SMYD5: variants seen among roughly 807,000 people sequenced by gnomAD.
SMYD5 encodes protein-lysine N-trimethyltransferase SMYD5.
A neutral mutation model predicts 57.4 loss-of-function variants in SMYD5; 35 were observed. That is an observed-to-expected ratio of 0.61 (90% CI 0.47 to 0.81). The LOEUF (loss-of-function observed/expected upper bound fraction) is 0.81. Ranked by LOEUF, SMYD5 falls within the 30% of genes least tolerant of loss-of-function variation. SMYD5 has a pLI of 0.00. For synonymous variants in SMYD5, 198 were observed against 189.7 expected, an observed-to-expected ratio of 1.04 and a Z score of -0.36; for missense variants, 471 against 527.9, an observed-to-expected ratio of 0.89 and a Z score of 1.06.
In SMYD5 at chr2:73,225,640, A is replaced by T. The variant is rs377134667; in HGVS notation, c.1045A>T (p.Ile349Phe). ...CTTCTCTGCCCTACAGGAAATTTGT[A>T]TCAGCTACTTGGACTGCTGTCAGCG... Reference protein sequence around the residue: ...EDIKPGEEICISYLDCCQRER... With the variant: ...EDIKPGEEICFSYLDCCQRER... Residue 349 changes from isoleucine (I) to phenylalanine (F), a missense_variant, in exon 12 of 13, where the codon ATC becomes TTC. By Grantham distance (21) the Ile-to-Phe change is conservative (BLOSUM62 0). Transcript: ENST00000389501. The T allele has an allele frequency of 1.9e-5, 30 of 1,614,180 alleles. No homozygotes were observed. Among genetic ancestry groups the T allele is most frequent in the Non-Finnish European group, 2.5e-5 (29 of 1,180,030 alleles).
chr2:73,226,066 C>T lies in SMYD5; in HGVS notation c.*120C>T. The T allele has an allele frequency of 1.5e-6, 2 of 1,362,266 alleles. No individual in the cohort carries two copies. Among genetic ancestry groups the T allele is most frequent in the South Asian group, 1.5e-5 (1 of 67,710 alleles). The allele number at this position is 1,362,266 out of a possible 1,614,324, so 84.4% of individuals were successfully genotyped here. A position where few individuals can be genotyped will look rare whatever the true frequency, so the allele number is the denominator to read the frequency against. ...ATTGCCTGCTTTCCCCATTCCAGCC[C>T]TCTCTGCTAGAGGGTAGGAGAGAGC... is the stretch of plus-strand genomic sequence containing the variant. On this transcript the variant is annotated 3_prime_UTR_variant, in exon 13 of 13. Coordinates refer to ENST00000389501, the MANE Select transcript of SMYD5 (RefSeq NM_006062.3).
At chr2:73,223,400 A>G (rs986319862) in intron 8 of SMYD5, 26 bp from the exon 9 acceptor site, 4 of 1,544,684 alleles carry the variant, frequency 2.6e-6, no homozygotes, top group South Asian at 1.1e-5. Context: ...TGCCTCCCCA[A>G]CCATGGGCTG....
chr2:73,220,211 T>C, intron 3 of SMYD5, 21 bp downstream of exon 3: 1 of 1,612,022 alleles, frequency 6.2e-7, no homozygotes, highest in East Asian at 2.2e-5. Flanking sequence ...TTGGGGAGTG[T>C]ACCTGGAAGG....
rs913827540 is a variant in SMYD5 at position 73,223,461 on chromosome 2, T to G, written c.812T>G (p.Leu271Arg). 1.9e-6 allele frequency: 3 copies of G among 1,614,140 alleles called. No individual in the cohort carries two copies. Among genetic ancestry groups the G allele is most frequent in the Non-Finnish European group, 8.5e-7 (1 of 1,179,980 alleles). The change falls in exon 9 of 13, where the codon CTG becomes CGG. Residue 271 changes from leucine (L) to arginine (R), a missense_variant. Leu to Arg is a moderately radical substitution (Grantham distance 102). Transcript: ENST00000389501. ...LSQWVHACDT[L>R]ELKPQDREQL... Reference sequence around the variant, plus strand: ...CAGTGGGTCCATGCCTGTGACACTCTGGAGTTGAAGCCTCAGGACCGTGAG... The same window carrying G: ...CAGTGGGTCCATGCCTGTGACACTCGGGAGTTGAAGCCTCAGGACCGTGAG...
intron 1 of SMYD5, among the ~76,000 whole-genome samples, chr2:73,215,095 T>C (rs1686268971): frequency 6.6e-6 from 1 of 152,230 alleles, no homozygotes; most frequent in Non-Finnish European, 1.5e-5. Context: ...GCTTCTTCCG[T>C]GAGAGGGTCA....
chr2:73,225,457 T>C, intron 11 of SMYD5, 174 bp from the exon 12 acceptor site: 1 of 688,312 alleles, frequency 1.5e-6, no homozygotes, highest in Admixed American at 2.3e-5. Context: ...TATAGTGGCC[T>C]GCCTACTGAA....
intron 5 of SMYD5, among the ~76,000 whole-genome samples, 200 bp downstream of exon 5, chr2:73,221,434 T>A (rs1163009675): frequency 8.4e-6 from 1 of 118,968 alleles, no homozygotes; most frequent in East Asian, 2.2e-4. Context: ...CCTGTAGTCT[T>A]TTTTTTTTTT....
chr2:73,214,554 G>A (rs1686256102), intron 1 of SMYD5, 192 bp downstream of exon 1: 2 of 1,484,460 alleles, frequency 1.3e-6, no homozygotes, highest in Non-Finnish European at 9.0e-7. Context: ...CGATAGACCC[G>A]GGCCTCCGGA....
chr2:73,222,078 A>G, intron 6 of SMYD5, 148 bp downstream of exon 6: 1 of 615,216 alleles, frequency 1.6e-6, no homozygotes, highest in Non-Finnish European at 2.9e-6. Flanking sequence ...GAGGAGTTAC[A>G]TTCCTGCCAC....
At position 73,223,448 on chromosome 2, in the gene SMYD5, G is replaced by C; in HGVS notation, c.799G>C (p.Ala267Pro). The part of the protein sequence containing the change: ...GTSSLSQWVH[A>P]CDTLELKPQD... Reference sequence around the variant, plus strand: ...CAGCTCCCTAAGCCAGTGGGTCCATGCCTGTGACACTCTGGAGTTGAAGCC... The same window carrying C: ...CAGCTCCCTAAGCCAGTGGGTCCATCCCTGTGACACTCTGGAGTTGAAGCC... Residue 267 changes from alanine to proline, a missense_variant, in exon 9 of 13, where the codon GCC (alanine) becomes CCC (proline). Physicochemically the swap from Ala to Pro is conservative, Grantham distance 27 (BLOSUM62 -1). Transcript: ENST00000389501. The C allele has an allele frequency of 6.2e-7, 1 of 1,614,004 alleles. No homozygotes were observed. The highest frequency in any genetic ancestry group is 8.5e-7 in the Non-Finnish European group (1 of 1,179,878).
chr2:73,223,284 G>C, intron 8 of SMYD5, 142 bp from the exon 9 acceptor site: 1 of 805,984 alleles, frequency 1.2e-6, no homozygotes, highest in Non-Finnish European at 2.1e-6. Context: ...AGCCTCTGTT[G>C]GGGAAGATGG....
intron 1 of SMYD5, among the ~76,000 whole-genome samples, chr2:73,215,789 A>G (rs1475497820): frequency 6.6e-6 from 1 of 152,158 alleles, no homozygotes; most frequent in African/African-American, 2.4e-5. Context: ...CTGCTGCTGG[A>G]GAAAATAACA....
rs746387244 is a variant in SMYD5 at position 73,221,868 on chromosome 2, T to G, written c.580T>G (p.Cys194Gly). ...TTGGATCAGACTCTTTTCCCAGTTTTGTAACAAAACAGCCAATGAAGAGGA... is the reference window on the plus strand; with the variant it reads ...TTGGATCAGACTCTTTTCCCAGTTTGGTAACAAAACAGCCAATGAAGAGGA... ...DRWIRLFSQF[C>G]NKTANEEEEI... The change falls in exon 6 of 13, where the codon TGT (cysteine) becomes GGT (glycine). Residue 194 changes from cysteine to glycine, a missense_variant. Cys to Gly is a radical substitution (Grantham distance 159, BLOSUM62 -3). Transcript: ENST00000389501. 6.2e-7 allele frequency: 1 copy of G among 1,614,098 alleles called. No homozygotes were observed. The highest frequency in any genetic ancestry group is 1.7e-5 in the Admixed American group (1 of 60,022).
chr2:73,222,543 G>A (rs1686415198), intron 6 of SMYD5, among the ~76,000 whole-genome samples: 1 of 152,196 alleles, frequency 6.6e-6, no homozygotes, highest in Non-Finnish European at 1.5e-5. Context: ...AAAATGGAGA[G>A]AAATTTGGGT....
Position 73,221,251 on chromosome 2 carries a change from C to G in SMYD5, c.537+17C>G. 6.2e-7 allele frequency: 1 copy of G among 1,610,244 alleles called. No homozygotes were observed. Among genetic ancestry groups the G allele is most frequent in the Non-Finnish European group, 8.5e-7 (1 of 1,176,568 alleles). ...GTGAAGCAGGTGAGCCCACCCAACCCTCTCGGGGAAGCTGACTTTGGCCCC... is the reference window on the plus strand; with the variant it reads ...GTGAAGCAGGTGAGCCCACCCAACCGTCTCGGGGAAGCTGACTTTGGCCCC... On this transcript the variant is annotated intron_variant, in intron 5 of 12. Transcript: ENST00000389501.
At chr2:73,215,995 C>T (rs1485930407) in intron 1 of SMYD5, among the ~76,000 whole-genome samples, 3 of 152,002 alleles carry the variant, frequency 2.0e-5, no homozygotes, top group Non-Finnish European at 4.4e-5. Flanking sequence ...ATTATTTATT[C>T]TTTAAAGGTT....
Position 73,224,896 on chromosome 2 carries a change from C to A in SMYD5, c.971C>A (p.Thr324Asn). 1 of 1,614,030 alleles carries A rather than the reference C, an allele frequency of 6.2e-7. No individual in the cohort carries two copies. Among genetic ancestry groups the A allele is most frequent in the Middle Eastern group, 1.6e-4 (1 of 6,062 alleles). ...CNHSCVPNAE[T>N]SFPENNFLLH... ...CACAGTTGTGTGCCCAATGCAGAGA[C>A]CTCCTTTCCAGAAAACAACTTCCTT... The change falls in exon 11 of 13, where the codon ACC (threonine) becomes AAC (asparagine). Residue 324 changes from threonine to asparagine, a missense_variant. Transcript: ENST00000389501.
intron 1 of SMYD5, among the ~76,000 whole-genome samples, chr2:73,215,858 A>T (rs551523906): frequency 2.8e-4 from 43 of 152,114 alleles, no homozygotes; most frequent in Non-Finnish European, 5.6e-4. Flanking sequence ...TCTCTATTCA[A>T]ATGAGATTGG....
intron 1 of SMYD5, 199 bp downstream of exon 1, chr2:73,214,561 C>G (rs1163247102): frequency 8.1e-6 from 12 of 1,488,200 alleles, no homozygotes; most frequent in Non-Finnish European, 6.3e-6. Flanking sequence ...CCCGGGCCTC[C>G]GGAGTCTCCG....
Sources: allele counts gnomAD v4.1 joint callset (sites outside exome capture counted in the v4.1 genomes callset), GRCh38; gene constraint gnomAD v4.1.1; transcripts MANE v1.5; gene names NCBI Gene and HGNC (gene_info 2026-07-23, HGNC 2026-07-21).